ZFR: variants seen among roughly 807,000 people sequenced by gnomAD.
ZFR encodes the protein zinc finger RNA-binding protein.
Under a neutral mutation model 130.7 loss-of-function variants are expected in ZFR, and 19 were observed. The observed-to-expected ratio is 0.15, with a 90% CI of 0.10 to 0.21. The LOEUF (loss-of-function observed/expected upper bound fraction) is 0.21, where lower values mean the gene tolerates loss of function less well. Among genes scored for constraint, ZFR ranks in the 10% least tolerant of loss-of-function variants. ZFR has a pLI of 1.00. For synonymous variants in ZFR, 466 were observed against 456.9 expected (o/e 1.02, Z -0.25); for missense variants, 872 against 1,321.5 (o/e 0.66, Z 5.27).
chr5:32,434,194 G>C (rs374590480), intron 2 of ZFR, among the ~76,000 whole-genome samples: 2 of 152,220 alleles, frequency 1.3e-5, no homozygotes, highest in Admixed American at 6.5e-5. Context: ...AACTGAATGA[G>C]AATGGCATAT....
In ZFR at chr5:32,379,891, TTAA is replaced by T. The variant is rs896788046; in HGVS notation, c.2739+181_2739+183del. On this transcript the variant is annotated intron_variant, in intron 16 of 19. Coordinates refer to ENST00000265069, the MANE Select transcript of ZFR (RefSeq NM_016107.5). Reference sequence around the variant, plus strand: ...CCCCAAACCTAAGTTCATTGTCAAATTAATAATAACTGCAATATGCAGATCATC... The same window carrying T: ...CCCCAAACCTAAGTTCATTGTCAAATTAATAACTGCAATATGCAGATCATC... 1.7e-5 allele frequency: 8 copies of T among 471,048 alleles called. No individual in the cohort carries two copies. The South Asian group carries it at 2.0e-4, about 12-fold the overall frequency. The allele number at this position is 471,048 out of a possible 1,614,324, so 29.2% of individuals were successfully genotyped here.
chr5:32,444,722 C>G lies in ZFR; in HGVS notation c.-64G>C, dbSNP rs565246749. On this transcript the variant is annotated 5_prime_UTR_variant, in exon 1 of 20. Transcript: ENST00000265069. Reference sequence around the variant, plus strand: ...CGCTGCCTCCCTCCTCTGCCCCGCTCCTCCTCAGCGGAGAACAGACCGCCG... The same window carrying G: ...CGCTGCCTCCCTCCTCTGCCCCGCTGCTCCTCAGCGGAGAACAGACCGCCG... 1.9e-5 allele frequency: 29 copies of G among 1,494,664 alleles called. No individual in the cohort carries two copies. In the African/African-American group the frequency reaches 3.9e-4, roughly 20 times the overall value. The allele number at this position is 1,494,664 out of a possible 1,614,324, so 92.6% of individuals were successfully genotyped here. A position where few individuals can be genotyped will look rare whatever the true frequency, so the allele number is the denominator to read the frequency against.
chr5:32,419,561 C>T (rs1753907269), intron 3 of ZFR, among the ~76,000 whole-genome samples: 1 of 152,180 alleles, frequency 6.6e-6, no homozygotes, highest in Admixed American at 6.5e-5. Flanking sequence ...TGGTCTTGAA[C>T]TCCTGACCTC....
intron 17 of ZFR, among the ~76,000 whole-genome samples, chr5:32,373,788 T>C (rs1435016078): frequency 1.3e-5 from 2 of 152,200 alleles, no homozygotes; most frequent in Admixed American, 1.3e-4. Flanking sequence ...AGTACCAAAA[T>C]ACTAATGTAT....
chr5:32,440,356 T>C (rs1320498000), intron 2 of ZFR, among the ~76,000 whole-genome samples: 3 of 152,106 alleles, frequency 2.0e-5, no homozygotes, highest in Non-Finnish European at 4.4e-5. Flanking sequence ...CTTAAAAAAA[T>C]GCAAAACAAG....
At chr5:32,420,812 T>C (rs1581709866) in intron 2 of ZFR, among the ~76,000 whole-genome samples, 1 of 152,300 alleles carries the variant, frequency 6.6e-6, no homozygotes, top group South Asian at 2.1e-4. Flanking sequence ...AGTATGTCAA[T>C]AGTGCTGAGG....
intron 6 of ZFR, among the ~76,000 whole-genome samples, chr5:32,405,924 A>G (rs771369657): frequency 1.3e-5 from 2 of 152,176 alleles, no homozygotes; most frequent in Non-Finnish European, 2.9e-5. Context: ...AAGTAGAGAA[A>G]ACTAATCCAG....
chr5:32,444,379 G>C, intron 1 of ZFR, 51 bp from the exon 2 acceptor site: 1 of 1,515,436 alleles, frequency 6.6e-7, no homozygotes, highest in Non-Finnish European at 8.9e-7. Context: ...GAGACACAGA[G>C]GAGCCGAGAC....
At chr5:32,358,281 C>T (rs557230338) in intron 19 of ZFR, among the ~76,000 whole-genome samples, 25 of 152,176 alleles carry the variant, frequency 1.6e-4, no homozygotes, top group Admixed American at 3.3e-4. Flanking sequence ...CGCTTGAACC[C>T]GGGAGGCACA....
At chr5:32,442,955 T>C (rs1447611678) in intron 2 of ZFR, among the ~76,000 whole-genome samples, 2 of 128,040 alleles carry the variant, frequency 1.6e-5, no homozygotes, top group Non-Finnish European at 3.3e-5. Flanking sequence ...CCGGTAATCC[T>C]AGCACTCTGG....
rs191086013 is a variant in ZFR, at chr5:32,438,452, G to A, written c.137+5777C>T. Among the ~76,000 whole-genome samples, 164 of 151,766 alleles carry A rather than the reference G, an allele frequency of 1.1e-3. 1 individual carries two copies. Among genetic ancestry groups the A allele is most frequent in the Middle Eastern group, 0.01 (3 of 294 alleles). On this transcript the variant is annotated intron_variant, in intron 2 of 19. Transcript: ENST00000265069. ...CTAATTTTGTAGTTTTAGTAGAGACGGGGTTTCTCCATGTTGGTCAGGCTG... is the reference window on the plus strand; with the variant it reads ...CTAATTTTGTAGTTTTAGTAGAGACAGGGTTTCTCCATGTTGGTCAGGCTG...
chr5:32,406,975 A>T lies in ZFR; in HGVS notation c.831T>A (p.Ser277=). 6.3e-7 allele frequency: 1 copy of T among 1,584,286 alleles called. No individual in the cohort carries two copies. Among genetic ancestry groups the T allele is most frequent in the South Asian group, 1.2e-5 (1 of 86,518 alleles). Residue 277 remains serine (S), a synonymous_variant, in exon 6 of 20, where the codon TCT becomes TCA. Coordinates refer to ENST00000265069, the MANE Select transcript of ZFR (RefSeq NM_016107.5). ...GCTGCTGCTGCTGTTGATAGTAGGA[A>T]GATGCAGCTGAATACACTGCTGCTT... The part of the protein sequence containing the change: ...GYEAAVYSAA[S]SYYQQQQQQQ...
chr5:32,444,549 C>T (rs1040541983), intron 1 of ZFR, 73 bp downstream of exon 1: 3 of 1,426,388 alleles, frequency 2.1e-6, no homozygotes, highest in Non-Finnish European at 9.2e-7. Context: ...CCTGCCCCAA[C>T]CCCCGCGGCT....
chr5:32,391,906 G>C (rs780707231), intron 11 of ZFR, among the ~76,000 whole-genome samples: 1 of 151,928 alleles, frequency 6.6e-6, no homozygotes, highest in African/African-American at 2.4e-5. Flanking sequence ...GCTAATTTTC[G>C]TATTTTTTGT....
At chr5:32,382,545 T>A (rs943607860) in intron 15 of ZFR, among the ~76,000 whole-genome samples, 3 of 146,970 alleles carry the variant, frequency 2.0e-5, no homozygotes, top group African/African-American at 7.3e-5. Flanking sequence ...GTTTTGCACA[T>A]AAGCATTCAT....
chr5:32,401,487 T>A (rs1305963381), intron 8 of ZFR, among the ~76,000 whole-genome samples: 1 of 151,914 alleles, frequency 6.6e-6, no homozygotes, highest in Admixed American at 6.6e-5. Context: ...GAATGACGTT[T>A]AAAAAGAAAA....
intron 2 of ZFR, among the ~76,000 whole-genome samples, chr5:32,432,196 G>A (rs1287630605): frequency 6.6e-6 from 1 of 152,062 alleles, no homozygotes. Context: ...TGTTGAGCTG[G>A]GGATGTTGAG....
chr5:32,419,809 T>A lies in ZFR; in HGVS notation c.420+12A>T, dbSNP rs776790054. The A allele has an allele frequency of 1.1e-5, 17 of 1,579,716 alleles. No homozygotes were observed. The East Asian group carries it at 3.8e-4, about 36-fold the overall frequency. On this transcript the variant is annotated intron_variant, in intron 3 of 19. Transcript: ENST00000265069. ...CGCACATTCAGGCTACCAAAACTAG[T>A]AGTTTTCTTACCTGGTAGTTTTGTG...
intron 11 of ZFR, among the ~76,000 whole-genome samples, chr5:32,391,636 C>T (rs1386407884): frequency 6.6e-6 from 1 of 151,190 alleles, no homozygotes; most frequent in Non-Finnish European, 1.5e-5. Flanking sequence ...CATGTGTCTA[C>T]AGCAAATTCT....
Sources: allele counts gnomAD v4.1 joint callset (sites outside exome capture counted in the v4.1 genomes callset), GRCh38; gene constraint gnomAD v4.1.1; transcripts MANE v1.5; gene names NCBI Gene and HGNC (gene_info 2026-07-23, HGNC 2026-07-21).